RFWD3: variants seen among roughly 807,000 people sequenced by gnomAD.
RFWD3 encodes the protein ring finger and WD repeat domain 3, also known as E3 ubiquitin-protein ligase RFWD3.
Under a neutral mutation model 87.7 loss-of-function variants are expected in RFWD3, and 65 were observed. The observed-to-expected ratio is 0.74, with a 90% CI of 0.61 to 0.91. RFWD3 has a LOEUF of 0.91. Ranked by LOEUF, RFWD3 falls within the 40% of genes least tolerant of loss-of-function variation. The pLI is 0.00. For synonymous variants in RFWD3, 433 were observed against 352.8 expected (o/e 1.23, Z -2.55); for missense variants, 1,078 against 938.5 (o/e 1.15, Z -1.94).
At chr16:74,655,469 G>A (rs908863621) in intron 2 of RFWD3, among the ~76,000 whole-genome samples, 2 of 148,378 alleles carry the variant, frequency 1.3e-5, no homozygotes, top group Non-Finnish European at 3.0e-5. Flanking sequence ...GGATGGTCTC[G>A]ATCTCCTGAC....
rs1181669986 is a variant in RFWD3, at chr16:74,630,870, G to A, written c.1665C>T (p.Ile555=). 6.2e-7 allele frequency: 1 copy of A among 1,614,034 alleles called. No homozygotes were observed. Among genetic ancestry groups the A allele is most frequent in the South Asian group, 1.1e-5 (1 of 91,068 alleles). ...CCWCLDEANY[I]YAGLANGSIL... is the part of the protein sequence containing the mutation. ...TTGAACCATTGGCCAGTCCAGCATA[G>A]ATGTAGTTAGCCTCATCAAGACACC... The change falls in exon 10 of 13, where the codon ATC becomes ATT. Residue 555 remains isoleucine (I), a synonymous_variant. Coordinates refer to ENST00000361070, the MANE Select transcript of RFWD3 (RefSeq NM_018124.4).
chr16:74,654,390 G>T (rs1960807154), intron 2 of RFWD3, among the ~76,000 whole-genome samples: 1 of 152,072 alleles, frequency 6.6e-6, no homozygotes, highest in African/African-American at 2.4e-5. Flanking sequence ...TTAGGAGTGT[G>T]TTATGTAATT....
intron 2 of RFWD3, among the ~76,000 whole-genome samples, chr16:74,655,746 C>T (rs1347189607): frequency 6.8e-6 from 1 of 146,126 alleles, no homozygotes; most frequent in Non-Finnish European, 1.5e-5. Context: ...GATGGTCTCA[C>T]CCATCTCCTG....
At chr16:74,662,345 G>A (rs139051278) in intron 1 of RFWD3, among the ~76,000 whole-genome samples, 61 of 152,112 alleles carry the variant, frequency 4.0e-4, no homozygotes, top group African/African-American at 1.3e-3. Flanking sequence ...ATTTTCATCT[G>A]ACTTATGAGG....
In RFWD3 at chr16:74,652,111, G is replaced by A. The variant is rs370165644; in HGVS notation, c.530C>T (p.Pro177Leu). 2 of 1,613,854 alleles carry A rather than the reference G, an allele frequency of 1.2e-6. No individual in the cohort carries two copies. Among genetic ancestry groups the A allele is most frequent in the Non-Finnish European group, 8.5e-7 (1 of 1,179,924 alleles). ...GCTCACCTGAAAGTAAGCATCCAAT[G>A]GTGCTCTCAACCTATGTACACAGAA... ...QRTDSARLRA[P>L]LDAYFQVSRT... Residue 177 changes from proline (P) to leucine (L), a missense_variant, in exon 3 of 13, where the codon CCA becomes CTA. Transcript: ENST00000361070.
At chr16:74,630,724 C>A (rs1358495458) in intron 10 of RFWD3, 57 bp downstream of exon 10, 1 of 1,469,054 alleles carries the variant, frequency 6.8e-7, no homozygotes, top group Admixed American at 2.4e-5. Flanking sequence ...ACGATTAACA[C>A]AATAATAAGC....
chr16:74,659,266 T>C (rs1399246647), intron 2 of RFWD3, among the ~76,000 whole-genome samples: 6 of 152,136 alleles, frequency 3.9e-5, no homozygotes, highest in African/African-American at 1.4e-4. Context: ...GCAAGAGGCC[T>C]CCTGACAGTC....
At chr16:74,634,251 A>T (rs1331778128) in intron 8 of RFWD3, among the ~76,000 whole-genome samples, 1 of 152,202 alleles carries the variant, frequency 6.6e-6, no homozygotes, top group Non-Finnish European at 1.5e-5. Context: ...GAAACAGATG[A>T]CATTTCAAGT....
intron 12 of RFWD3, among the ~76,000 whole-genome samples, chr16:74,626,054 T>A (rs905479606): frequency 1.3e-5 from 2 of 152,230 alleles, no homozygotes; most frequent in East Asian, 3.9e-4. Context: ...GGCATGGTGG[T>A]GGGGTGCCTG....
rs1958812644 is a variant in RFWD3, at chr16:74,623,017, T to C, written c.*911A>G. 6.6e-6 allele frequency: 1 copy of C among 152,202 alleles called. No homozygotes were observed. The highest frequency in any genetic ancestry group is 1.5e-5 in the Non-Finnish European group (1 of 68,032). The allele number at this position is 152,202 out of a possible 1,614,324, so 9.4% of individuals were successfully genotyped here. On this transcript the variant is annotated 3_prime_UTR_variant, in exon 13 of 13. Coordinates refer to ENST00000361070, the MANE Select transcript of RFWD3 (RefSeq NM_018124.4). ...AGCTTTTGTAAATTCTCTTATGTCT[T>C]TTCTCCTGATCTCTGACACTAGGGG...
In RFWD3 at chr16:74,623,074, A is replaced by G. The variant is rs1958814032; in HGVS notation, c.*854T>C. The stretch of plus-strand genomic sequence containing the variant: ...AAGTAAAAGCTTTGACCTATCACTC[A>G]TCTTTTCCTGGCAAGAGATAGTGTT... On this transcript the variant is annotated 3_prime_UTR_variant, in exon 13 of 13. Coordinates refer to ENST00000361070, the MANE Select transcript of RFWD3 (RefSeq NM_018124.4). 1 of 152,222 alleles carries G rather than the reference A, an allele frequency of 6.6e-6. No homozygotes were observed. Among genetic ancestry groups the G allele is most frequent in the Admixed American group, 6.5e-5 (1 of 15,278 alleles). 9.4% of individuals were successfully genotyped at this position (152,222 alleles called of 1,614,324 possible). A position where few individuals can be genotyped will look rare whatever the true frequency, so the allele number is the denominator to read the frequency against.
chr16:74,664,237 T>A (rs939387963), intron 1 of RFWD3: 2 of 152,120 alleles, frequency 1.3e-5, no homozygotes, highest in African/African-American at 4.8e-5. Context: ...AGGAGTGAGC[T>A]ACTGCAGCTG....
In RFWD3 at chr16:74,636,540, A is replaced by C. The variant is rs1441649400; in HGVS notation, c.1232T>G (p.Leu411Ter). The C allele has an allele frequency of 6.2e-7, 1 of 1,613,832 alleles. No individual in the cohort carries two copies. Among genetic ancestry groups the C allele is most frequent in the African/African-American group, 1.3e-5 (1 of 74,914 alleles). ...TGCTTGGGAGCCCCTGGGTTGCTGT[A>C]AATTCTGACTTTGATGTGACGTAAG... is the stretch of plus-strand genomic sequence containing the variant. ...QKLTSHQSQNLQQPRGSQAWV... is the reference protein window; with the variant it reads ...QKLTSHQSQN Residue 411 changes from leucine to a stop codon, truncating the protein, a stop_gained, in exon 8 of 13, where the codon TTA (leucine) becomes TGA (stop). Coordinates refer to ENST00000361070, the MANE Select transcript of RFWD3 (RefSeq NM_018124.4). LOFTEE classifies it high-confidence loss of function.
At chr16:74,642,337 T>C (rs1688502142) in intron 6 of RFWD3, among the ~76,000 whole-genome samples, 2 of 152,172 alleles carry the variant, frequency 1.3e-5, no homozygotes, top group Non-Finnish European at 2.9e-5. Flanking sequence ...CTGCTCAGGC[T>C]GGTCTCAAAC....
chr16:74,649,382 T>A (rs551671571), intron 3 of RFWD3, 180 bp from the exon 4 acceptor site: 6 of 459,322 alleles, frequency 1.3e-5, no homozygotes, highest in African/African-American at 1.3e-4. Flanking sequence ...TTTTAAAAAT[T>A]TAGTTTGAAT....
intron 4 of RFWD3, 146 bp from the exon 5 acceptor site, chr16:74,644,881 T>A: frequency 1.5e-6 from 1 of 667,130 alleles, no homozygotes; most frequent in Non-Finnish European, 2.5e-6. Context: ...ATGAATCACT[T>A]GTCATTCTTT....
intron 4 of RFWD3, 30 bp downstream of exon 4, chr16:74,649,102 T>G (rs199514598): frequency 1.4e-6 from 2 of 1,437,958 alleles, no homozygotes; most frequent in African/African-American, 2.9e-5. Context: ...AATAAATAAA[T>G]AGATTTTTTT....
At chr16:74,636,662 A>AT (rs1959203901) in intron 7 of RFWD3, 85 bp from the exon 8 acceptor site, 3 of 1,026,458 alleles carry the variant, frequency 2.9e-6, no homozygotes, top group Non-Finnish European at 2.8e-6. Context: ...TTACAGGAAG[A>AT]TTTTTTATCC....
intron 12 of RFWD3, 57 bp from the exon 13 acceptor site, chr16:74,624,128 C>T (rs1191335353): frequency 6.4e-7 from 1 of 1,564,300 alleles, no homozygotes; most frequent in Non-Finnish European, 8.7e-7. Flanking sequence ...GAAGGGACTT[C>T]CATTCTTCAT....
Sources: allele counts gnomAD v4.1 joint callset (sites outside exome capture counted in the v4.1 genomes callset), GRCh38; gene constraint gnomAD v4.1.1; transcripts MANE v1.5; gene names NCBI Gene and HGNC (gene_info 2026-07-23, HGNC 2026-07-21).